IGSF3: variants seen among roughly 807,000 people sequenced by gnomAD.
The protein encoded by IGSF3 is immunoglobulin superfamily member 3.
In IGSF3, 23 loss-of-function variants were observed where a neutral mutation model predicts 114.4. The ratio of observed to expected loss-of-function variants is 0.20; its 90% confidence interval spans 0.14 to 0.28. The LOEUF is 0.28. IGSF3 is among the 10% of genes least tolerant of loss of function. IGSF3 has a pLI of 1.00. For synonymous variants in IGSF3, 571 were observed against 645.2 expected (o/e 0.88, Z 1.74); for missense variants, 1,172 against 1,591.5 (o/e 0.74, Z 4.48).
intron 2 of IGSF3, among the ~76,000 whole-genome samples, chr1:116,631,664 G>A (rs1329220449): frequency 6.6e-6 from 1 of 152,178 alleles, no homozygotes; most frequent in African/African-American, 2.4e-5. Context: ...CAACTACTGG[G>A]GAGAAGTTGA....
In IGSF3 at chr1:116,628,396, A is replaced by C. The variant is rs1471248183; in HGVS notation, c.44-11939T>G. On this transcript the variant is annotated intron_variant, in intron 2 of 10. Coordinates refer to ENST00000369486, the MANE Select transcript of IGSF3 (RefSeq NM_001007237.3). The surrounding 1 kb of genome is among the most constrained non-coding windows in gnomAD (Gnocchi z 4.2). ...CCAGAAAGCAATCTGACTGGCTGGG[A>C]GACTTTTTTTTTTAACCAGGCCCCC... Among the ~76,000 whole-genome samples the C allele has an allele frequency of 6.6e-6, 1 of 151,920 alleles. No individual in the cohort carries two copies. Among genetic ancestry groups the C allele is most frequent in the Non-Finnish European group, 1.5e-5 (1 of 67,984 alleles).
At position 116,629,710 on chromosome 1, in the gene IGSF3, T is replaced by C. The variant is rs1647470397; in HGVS notation, c.44-13253A>G. ...GTGTCAAATGGTTAATCAGTTGCCC[T>C]CTATTTGAGCTACTTAATGCACAAG... On this transcript the variant is annotated intron_variant, in intron 2 of 10. Transcript: ENST00000369486. This position sits in a 1 kb window ranked among gnomAD's most constrained non-coding sequence, Gnocchi z 4.3. 6.6e-6 allele frequency among the ~76,000 whole-genome samples: 1 copy of C among 152,246 alleles called. No individual in the cohort carries two copies. Among genetic ancestry groups the C allele is most frequent in the Non-Finnish European group, 1.5e-5 (1 of 68,040 alleles).
chr1:116,618,326 T>A lies in IGSF3; in HGVS notation c.44-1869A>T, dbSNP rs571558616. ...TTAATTATGATATTTAAAGTAACCA[T>A]GAGGACAACTCATTAGTAATATCAG... is the stretch of plus-strand genomic sequence containing the variant. On this transcript the variant is annotated intron_variant, in intron 2 of 10. Transcript: ENST00000369486. This position sits in a 1 kb window ranked among gnomAD's most constrained non-coding sequence, Gnocchi z 4.7. Among the ~76,000 whole-genome samples, 34 of 152,340 alleles carry A rather than the reference T, an allele frequency of 2.2e-4. No individual in the cohort carries two copies. Among genetic ancestry groups the A allele is most frequent in the Admixed American group, 8.5e-4 (13 of 15,302 alleles).
rs900351086 is a variant in IGSF3, at chr1:116,647,852, C to T, written c.43+18432G>A. The stretch of plus-strand genomic sequence containing the variant: ...GGCACGGTGGCTCACGCCTGTAATC[C>T]AAGCACTTTGGGAGGCCAAGGCGGG... On this transcript the variant is annotated intron_variant, in intron 2 of 10. Coordinates refer to ENST00000369486, the MANE Select transcript of IGSF3 (RefSeq NM_001007237.3). This position sits in a 1 kb window ranked among gnomAD's most constrained non-coding sequence, Gnocchi z 4.6. 1.3e-5 allele frequency among the ~76,000 whole-genome samples: 2 copies of T among 152,190 alleles called. No homozygotes were observed. The highest frequency in any genetic ancestry group is 2.9e-5 in the Non-Finnish European group (2 of 68,032).
At position 116,633,829 on chromosome 1, in the gene IGSF3, A is replaced by C. The variant is rs1647703648; in HGVS notation, c.44-17372T>G. 6.6e-6 allele frequency among the ~76,000 whole-genome samples: 1 copy of C among 152,258 alleles called. No individual in the cohort carries two copies. On this transcript the variant is annotated intron_variant, in intron 2 of 10. Coordinates refer to ENST00000369486, the MANE Select transcript of IGSF3 (RefSeq NM_001007237.3). This position sits in a 1 kb window ranked among gnomAD's most constrained non-coding sequence, Gnocchi z 4.3. ...AAGTCTGACTTGAATTAGAAGCAGC[A>C]CTTAAAATTACAGGTTCAGAAAAAG...
Position 116,574,708 on chromosome 1 carries a change from T to C in IGSF3, c.*2604A>G, listed in dbSNP as rs758692087. 6 of 152,636 alleles carry C rather than the reference T, an allele frequency of 3.9e-5. No individual in the cohort carries two copies. Among genetic ancestry groups the C allele is most frequent in the Non-Finnish European group, 8.8e-5 (6 of 68,050 alleles). The allele number at this position is 152,636 out of a possible 1,614,324, so 9.5% of individuals were successfully genotyped here. On this transcript the variant is annotated 3_prime_UTR_variant, in exon 11 of 11. Coordinates refer to ENST00000369486, the MANE Select transcript of IGSF3 (RefSeq NM_001007237.3). The surrounding 1 kb of genome is among the most constrained non-coding windows in gnomAD (Gnocchi z 5.2). The stretch of plus-strand genomic sequence containing the variant: ...TTTCATAAATGCAACATTGTAGACA[T>C]AGATGAATCCAGAGTATTCAGCAGT...
In IGSF3 at chr1:116,594,765, C is replaced by T. The variant is rs1660268340; in HGVS notation, c.2029+5176G>A. Among the ~76,000 whole-genome samples the T allele has an allele frequency of 6.6e-6, 1 of 152,114 alleles. No individual in the cohort carries two copies. Among genetic ancestry groups the T allele is most frequent in the Admixed American group, 6.5e-5 (1 of 15,272 alleles). ...GCCTGGGGGTGAACCCTCCCCAGAC[C>T]CCATGCTTTAGTCATCTCAAGATAA... On this transcript the variant is annotated intron_variant, in intron 7 of 10. Coordinates refer to ENST00000369486, the MANE Select transcript of IGSF3 (RefSeq NM_001007237.3). This position sits in a 1 kb window ranked among gnomAD's most constrained non-coding sequence, Gnocchi z 5.2.
At chr1:116,622,622 T>C (rs1661459715) in intron 2 of IGSF3, among the ~76,000 whole-genome samples, 1 of 152,232 alleles carries the variant, frequency 6.6e-6, no homozygotes, top group African/African-American at 2.4e-5. Flanking sequence ...TAAGCAAGTA[T>C]ATATTGTTCT....
chr1:116,619,239 T>G (rs1661332737), intron 2 of IGSF3, among the ~76,000 whole-genome samples: 2 of 152,228 alleles, frequency 1.3e-5, no homozygotes, highest in African/African-American at 4.8e-5. Context: ...CTGAGACCCA[T>G]CAGATACTAG....
rs770807057 is a variant in IGSF3 at position 116,616,179 on chromosome 1, T to C, written c.322A>G (p.Thr108Ala). The change falls in exon 3 of 11, where the codon ACA becomes GCA. Residue 108 changes from threonine (T) to alanine (A), a missense_variant. Physicochemically the swap from Thr to Ala is moderately conservative, Grantham distance 58. Transcript: ENST00000369486. The surrounding 1 kb of genome is among the most constrained non-coding windows in gnomAD (Gnocchi z 6.6). ...VQGNSTLLHITDLQARDAGEY... is the reference protein window; with the variant it reads ...VQGNSTLLHIADLQARDAGEY... ...CCGGCATCCCGGGCCTGAAGATCTG[T>C]GATGTGCAATAGGGTTGAGTTCCCC... The C allele has an allele frequency of 7.4e-6, 12 of 1,613,914 alleles. No individual in the cohort carries two copies. The African/African-American group carries it at 1.3e-4, about 18-fold the overall frequency.
At chr1:116,581,354 G>A (rs953146778) in intron 9 of IGSF3, among the ~76,000 whole-genome samples, 3 of 110,348 alleles carry the variant, frequency 2.7e-5, no homozygotes, top group African/African-American at 7.2e-5. Context: ...TTGGCTCACT[G>A]TAATATGTTC....
rs1221134437 is a variant in IGSF3, at chr1:116,589,704, C to T, written c.2030-600G>A. Among the ~76,000 whole-genome samples, 1 of 152,136 alleles carries T rather than the reference C, an allele frequency of 6.6e-6. No homozygotes were observed. Among genetic ancestry groups the T allele is most frequent in the Non-Finnish European group, 1.5e-5 (1 of 68,016 alleles). On this transcript the variant is annotated intron_variant, in intron 7 of 10. Transcript: ENST00000369486. This position sits in a 1 kb window ranked among gnomAD's most constrained non-coding sequence, Gnocchi z 5.7. ...TGGGCTCCATACCCTTCCTCAGCACCCTCTATATATCTCTGGGCTGTGTGT... is the reference window on the plus strand; with the variant it reads ...TGGGCTCCATACCCTTCCTCAGCACTCTCTATATATCTCTGGGCTGTGTGT...
In IGSF3 at chr1:116,636,011, G is replaced by C. The variant is rs1209127112; in HGVS notation, c.44-19554C>G. On this transcript the variant is annotated intron_variant, in intron 2 of 10. Coordinates refer to ENST00000369486, the MANE Select transcript of IGSF3 (RefSeq NM_001007237.3). The surrounding 1 kb of genome is among the most constrained non-coding windows in gnomAD (Gnocchi z 4.5). Reference sequence around the variant, plus strand: ...GGTGCCCAATAAGTGTTTGTGGGATGAATCAACCGGTTATTCTCCTGAACA... The same window carrying C: ...GGTGCCCAATAAGTGTTTGTGGGATCAATCAACCGGTTATTCTCCTGAACA... Among the ~76,000 whole-genome samples the C allele has an allele frequency of 6.6e-6, 1 of 152,134 alleles. No homozygotes were observed. The highest frequency in any genetic ancestry group is 1.5e-5 in the Non-Finnish European group (1 of 68,032).
In IGSF3 at chr1:116,654,629, AC is replaced by A. The variant is rs1410436009; in HGVS notation, c.43+11654del. On this transcript the variant is annotated intron_variant, in intron 2 of 10. Transcript: ENST00000369486. The surrounding 1 kb of genome is among the most constrained non-coding windows in gnomAD (Gnocchi z 4.4). ...AAGATGGATTGGCCTTATACTCACC[AC>A]CCCCCATACGAGGCTCCTCTGGTAT... Among the ~76,000 whole-genome samples, 4 of 151,104 alleles carry A rather than the reference AC, an allele frequency of 2.6e-5. No individual in the cohort carries two copies. Among genetic ancestry groups the A allele is most frequent in the Non-Finnish European group, 1.5e-5 (1 of 67,782 alleles).
intron 2 of IGSF3, among the ~76,000 whole-genome samples, chr1:116,626,125 T>C (rs1372900582): frequency 6.6e-6 from 1 of 152,240 alleles, no homozygotes. Flanking sequence ...GAATATTTAC[T>C]TAAATATTTT....
rs1659262712 is a variant in IGSF3, at chr1:116,574,645, A to G, written c.*2667T>C. ...ACACCCGGTGAAAGAGGGTGTGGTC[A>G]TATTCATGTCCTAGAATGCGCCTAG... On this transcript the variant is annotated 3_prime_UTR_variant, in exon 11 of 11. Transcript: ENST00000369486. This position sits in a 1 kb window ranked among gnomAD's most constrained non-coding sequence, Gnocchi z 5.2. 6.5e-6 allele frequency: 1 copy of G among 152,672 alleles called. No individual in the cohort carries two copies. Among genetic ancestry groups the G allele is most frequent in the African/African-American group, 2.4e-5 (1 of 41,458 alleles). 9.5% of individuals were successfully genotyped at this position (152,672 alleles called of 1,614,324 possible). A position where few individuals can be genotyped will look rare whatever the true frequency, so the allele number is the denominator to read the frequency against.
Position 116,662,330 on chromosome 1 carries a change from C to A in IGSF3, c.43+3954G>T, listed in dbSNP as rs1649152570. On this transcript the variant is annotated intron_variant, in intron 2 of 10. Coordinates refer to ENST00000369486, the MANE Select transcript of IGSF3 (RefSeq NM_001007237.3). The surrounding 1 kb of genome is among the most constrained non-coding windows in gnomAD (Gnocchi z 4.3). ...AAGTGATCCACCCGCCTCAGCCTCC[C>A]AAAGTGCTGCGGTTACAAGCATGAG... 6.6e-6 allele frequency among the ~76,000 whole-genome samples: 1 copy of A among 152,184 alleles called. No homozygotes were observed. The highest frequency in any genetic ancestry group is 1.5e-5 in the Non-Finnish European group (1 of 68,028).
rs699789 is a variant in IGSF3 at position 116,663,930 on chromosome 1, T to A, written c.43+2354A>T. ...CCTTGGGATTCTTCGCTGTTTTAAA[T>A]TCATACTACACATTAATTCACATTA... On this transcript the variant is annotated intron_variant, in intron 2 of 10. Coordinates refer to ENST00000369486, the MANE Select transcript of IGSF3 (RefSeq NM_001007237.3). 9.3e-3 allele frequency among the ~76,000 whole-genome samples: 1,420 copies of A among 152,318 alleles called. 32 individuals are homozygous for A. The highest frequency in any genetic ancestry group is 0.033 in the African/African-American group (1,359 of 41,564).
rs1332877980 is a variant in IGSF3, at chr1:116,574,873, A to G, written c.*2439T>C. On this transcript the variant is annotated 3_prime_UTR_variant, in exon 11 of 11. Transcript: ENST00000369486. This position sits in a 1 kb window ranked among gnomAD's most constrained non-coding sequence, Gnocchi z 5.2. ...AAGAAAGAAGGTCCTGGGGTTTTTCATAGAAAGCTCAAAAAGTTCAACCTT... is the reference window on the plus strand; with the variant it reads ...AAGAAAGAAGGTCCTGGGGTTTTTCGTAGAAAGCTCAAAAAGTTCAACCTT... 1.3e-5 allele frequency: 2 copies of G among 152,650 alleles called. No homozygotes were observed. Among genetic ancestry groups the G allele is most frequent in the Non-Finnish European group, 2.9e-5 (2 of 68,024 alleles). 9.5% of individuals were successfully genotyped at this position (152,650 alleles called of 1,614,324 possible). A position where few individuals can be genotyped will look rare whatever the true frequency, so the allele number is the denominator to read the frequency against.
Sources: gnomAD v4.1 joint callset for allele counts (sites outside exome capture counted in the v4.1 genomes callset) on GRCh38, gnomAD v4.1.1 for gene constraint, Gnocchi (gnomAD v3.1) non-coding constraint, MANE v1.5 for transcripts, NCBI Gene and HGNC (gene_info 2026-07-23, HGNC 2026-07-21) for gene names.